The following HYDIN variants were observed in gnomAD, a reference collection of about 807,000 sequenced individuals.
HYDIN encodes HYDIN axonemal central pair apparatus protein.
Under a neutral mutation model 403.9 loss-of-function variants are expected in HYDIN, and 132 were observed. That is an observed-to-expected ratio of 0.33 (90% CI 0.28 to 0.38). The LOEUF is 0.38. Among genes scored for constraint, HYDIN ranks in the 10% least tolerant of loss-of-function variants. The probability of loss-of-function intolerance (pLI) is 1.00; values close to 1 mark genes in which losing one functional copy is unlikely to be tolerated. For missense variants in HYDIN, 2,827 were observed against 5,009.5 expected (o/e 0.56, Z 13.15); for synonymous variants, 1,202 against 1,891.7 (o/e 0.64, Z 9.46).
intron 1 of HYDIN, among the ~76,000 whole-genome samples, chr16:71,210,434 C>T (rs1373689423): frequency 1.3e-5 from 2 of 151,970 alleles, no homozygotes; most frequent in African/African-American, 2.4e-5. Context: ...CGTCTGTTCT[C>T]ACTTATAAGA....
chr16:71,077,179 T>C lies in HYDIN; in HGVS notation c.1738+2706A>G, dbSNP rs190833136. Among the ~76,000 whole-genome samples, 678 of 152,088 alleles carry C rather than the reference T, an allele frequency of 4.5e-3. 4 individuals are homozygous for C. Among genetic ancestry groups the C allele is most frequent in the Non-Finnish European group, 7.4e-3 (502 of 67,980 alleles). ...GCATGTGTAAATTCCCCTGTAGTCATGGCTTTGTTTCTATTAGTCTATTTG... is the reference window on the plus strand; with the variant it reads ...GCATGTGTAAATTCCCCTGTAGTCACGGCTTTGTTTCTATTAGTCTATTTG... On this transcript the variant is annotated intron_variant, in intron 13 of 85. Coordinates refer to ENST00000393567, the MANE Select transcript of HYDIN (RefSeq NM_001270974.2).
chr16:70,866,488 G>A (rs1387331494), intron 66 of HYDIN, among the ~76,000 whole-genome samples, 159 bp from the exon 67 acceptor site: 1 of 151,762 alleles, frequency 6.6e-6, no homozygotes, highest in Non-Finnish European at 1.5e-5. Flanking sequence ...GGAACAGACA[G>A]GCTAAATGAA....
In HYDIN at chr16:70,912,862, GTTGTA is replaced by G. The variant is rs2076732250; in HGVS notation, c.8005-4006_8005-4002del. Among the ~76,000 whole-genome samples the G allele has an allele frequency of 2.7e-5, 4 of 146,204 alleles. No individual in the cohort carries two copies. The South Asian group carries it at 9.2e-4, about 34-fold the overall frequency. ...GTTCTTCCTGATTTAAGCTAGGAGG[GTTGTA>G]TTTTTCCAGGAGTTTATCCATCTCT... On this transcript the variant is annotated intron_variant, in intron 47 of 85. Transcript: ENST00000393567.
intron 5 of HYDIN, among the ~76,000 whole-genome samples, chr16:71,164,299 T>C: frequency 2.6e-5 from 1 of 38,348 alleles, no homozygotes; most frequent in South Asian, 1.1e-3. Context: ...AGAATAAGAA[T>C]GGGACCATCT....
At chr16:70,964,432 C>T (rs1036580890) in intron 37 of HYDIN, among the ~76,000 whole-genome samples, 5 of 151,672 alleles carry the variant, frequency 3.3e-5, no homozygotes, top group Non-Finnish European at 5.9e-5. Context: ...CTCATCTGTA[C>T]GTCCAAAGCC....
intron 21 of HYDIN, among the ~76,000 whole-genome samples, chr16:71,022,629 T>C (rs1170180807): frequency 2.0e-5 from 3 of 151,674 alleles, no homozygotes; most frequent in Non-Finnish European, 4.4e-5. Context: ...GTCTCTTGCA[T>C]ATGCTGGGTA....
At chr16:70,949,773 T>C (rs1306735024) in intron 41 of HYDIN, among the ~76,000 whole-genome samples, 2 of 152,260 alleles carry the variant, frequency 1.3e-5, no homozygotes, top group Non-Finnish European at 2.9e-5. Context: ...ATGGGGTCTA[T>C]GAGCTCTGAT....
intron 1 of HYDIN, among the ~76,000 whole-genome samples, chr16:71,213,101 T>A (rs942742955): frequency 6.6e-6 from 1 of 151,944 alleles, no homozygotes; most frequent in South Asian, 2.1e-4. Flanking sequence ...GTCCCAAGAA[T>A]AAGGGCAAAT....
At chr16:71,145,458 T>C (rs2085331726) in intron 7 of HYDIN, among the ~76,000 whole-genome samples, 1 of 152,166 alleles carries the variant, frequency 6.6e-6, no homozygotes, top group South Asian at 2.1e-4. Context: ...TTTCACCATA[T>C]TGGCCAGGAT....
chr16:70,896,135 C>A, intron 53 of HYDIN, 55 bp from the exon 54 acceptor site: 32 of 1,602,348 alleles, frequency 2.0e-5, no homozygotes, highest in Non-Finnish European at 2.6e-5. Flanking sequence ...GTGCTTGGAG[C>A]CTGAAACATG....
chr16:70,978,399 C>A (rs181025561), intron 30 of HYDIN, among the ~76,000 whole-genome samples: 3 of 150,224 alleles, frequency 2.0e-5, no homozygotes, highest in African/African-American at 4.9e-5. Flanking sequence ...TGGAGTTTCA[C>A]CATGTTGTCC....
intron 17 of HYDIN, among the ~76,000 whole-genome samples, chr16:71,061,845 G>A (rs1470255192): frequency 1.4e-5 from 2 of 145,402 alleles, no homozygotes; most frequent in African/African-American, 5.3e-5. Flanking sequence ...CTGGAGAGGG[G>A]TCAGGCATGT....
intron 5 of HYDIN, among the ~76,000 whole-genome samples, chr16:71,165,823 G>A (rs2086199249): frequency 6.6e-6 from 1 of 150,572 alleles, no homozygotes; most frequent in Non-Finnish European, 1.5e-5. Flanking sequence ...CATGTGGATG[G>A]ATGGCTGTCT....
intron 43 of HYDIN, among the ~76,000 whole-genome samples, chr16:70,938,984 C>G (rs557091335): frequency 4.6e-5 from 7 of 152,286 alleles, no homozygotes; most frequent in African/African-American, 1.7e-4. Context: ...TCAGATTACT[C>G]AGAACCTGTG....
rs192021529 is a variant in HYDIN at position 71,123,933 on chromosome 16, C to T, written c.1227+5707G>A. On this transcript the variant is annotated intron_variant, in intron 9 of 85. Transcript: ENST00000393567. Reference sequence around the variant, plus strand: ...ACATGGAACTGTGAGTCCATTAAACCTCTTTCCTTTCTAAATTACCCAGTC... The same window carrying T: ...ACATGGAACTGTGAGTCCATTAAACTTCTTTCCTTTCTAAATTACCCAGTC... Among the ~76,000 whole-genome samples the T allele has an allele frequency of 2.4e-3, 366 of 152,316 alleles. 1 individual carries two copies. The highest frequency in any genetic ancestry group is 5.9e-4 in the Non-Finnish European group (40 of 68,042).
chr16:70,906,485 A>C (rs2143771631), intron 50 of HYDIN, among the ~76,000 whole-genome samples: 1 of 151,578 alleles, frequency 6.6e-6, no homozygotes, highest in Admixed American at 6.6e-5. Flanking sequence ...TCCTGGCACA[A>C]GCCAGCCTCC....
intron 18 of HYDIN, among the ~76,000 whole-genome samples, chr16:71,048,077 G>C (rs1031126834): frequency 7.0e-6 from 1 of 142,588 alleles, no homozygotes; most frequent in Non-Finnish European, 1.5e-5. Flanking sequence ...CCACATATGA[G>C]TGAGAACATG....
At chr16:71,134,145 C>G (rs971639185) in intron 8 of HYDIN, among the ~76,000 whole-genome samples, 1 of 152,080 alleles carries the variant, frequency 6.6e-6, no homozygotes, top group African/African-American at 2.4e-5. Context: ...CTTTGCTCAT[C>G]AAGATACAAG....
intron 73 of HYDIN, among the ~76,000 whole-genome samples, chr16:70,853,071 C>T (rs1597126434): frequency 6.6e-6 from 1 of 151,606 alleles, no homozygotes; most frequent in African/African-American, 2.4e-5. Context: ...GCCTTAGCTA[C>T]TCGGGAGGCT....
Sources: gnomAD v4.1 joint callset for allele counts (sites outside exome capture counted in the v4.1 genomes callset) on GRCh38, gnomAD v4.1.1 for gene constraint, MANE v1.5 for transcripts, NCBI Gene and HGNC (gene_info 2026-07-23, HGNC 2026-07-21) for gene names.